Variants in NEK10 observed in about 807,000 individuals in gnomAD.
NEK10 encodes the protein NIMA related kinase 10.
NEK10 carries 122 observed loss-of-function variants against 159.8 expected under a neutral mutation model. The ratio of observed to expected loss-of-function variants is 0.76; its 90% CI spans 0.66 to 0.89. The LOEUF is 0.89. Ranked by LOEUF, NEK10 falls within the 40% of genes least tolerant of loss-of-function variation. The probability of loss-of-function intolerance (pLI) is 0.00; values close to 1 mark genes in which losing one functional copy is unlikely to be tolerated. For missense variants in NEK10, 1,342 were observed against 1,323.1 expected, an observed-to-expected ratio of 1.01 and a Z score of -0.22; for synonymous variants, 466 against 457.1, an observed-to-expected ratio of 1.02 and a Z score of -0.25.
At chr3:27,363,008 T>A (rs1383743651) in intron 1 of NEK10, among the ~76,000 whole-genome samples, 7 of 152,118 alleles carry the variant, frequency 4.6e-5, no homozygotes, top group African/African-American at 1.7e-4. Flanking sequence ...TCTCCTGGGA[T>A]AAAAAGAAAA....
chr3:27,182,907 T>C (rs1948259248), intron 26 of NEK10, among the ~76,000 whole-genome samples: 1 of 151,824 alleles, frequency 6.6e-6, no homozygotes, highest in African/African-American at 2.4e-5. Context: ...AGTGGAATAA[T>C]GGTTACCAGA....
At position 27,174,716 on chromosome 3, in the gene NEK10, C is replaced by T. The variant is rs758669673; in HGVS notation, c.2623G>A (p.Asp875Asn). Residue 875 changes from aspartate to asparagine, a missense_variant, in exon 27 of 36, where the codon GAC becomes AAC. By Grantham distance (23) the Asp-to-Asn change is conservative. Coordinates refer to ENST00000691995, the MANE Select transcript of NEK10 (RefSeq NM_001394966.1). ...PEGFQASYGK[D>N]EDRACDEILS... is the part of the protein sequence containing the mutation. Reference sequence around the variant, plus strand: ...ATTTCGTCACAGGCCCTGTCTTCGTCTTTACCATAGGAGGCCTGGAAGCCT... The same window carrying T: ...ATTTCGTCACAGGCCCTGTCTTCGTTTTTACCATAGGAGGCCTGGAAGCCT... The T allele has an allele frequency of 4.3e-6, 7 of 1,613,604 alleles. No individual in the cohort carries two copies. The East Asian group carries it at 1.1e-4, about 26-fold the overall frequency.
intron 22 of NEK10, among the ~76,000 whole-genome samples, chr3:27,283,618 G>A (rs920448788): frequency 6.6e-6 from 1 of 152,092 alleles, no homozygotes; most frequent in African/African-American, 2.4e-5. Flanking sequence ...CATGAGGCAG[G>A]CAGGAGAAAG....
At chr3:27,282,538 T>TTTTATATA (rs1553615978) in intron 22 of NEK10, among the ~76,000 whole-genome samples, 1 of 42,144 alleles carries the variant, frequency 2.4e-5, no homozygotes, top group African/African-American at 8.7e-5. Context: ...CATAAATGTG[T>TTTTATATA]TATATATATA....
chr3:27,161,478 G>A (rs1419552270), intron 30 of NEK10, among the ~76,000 whole-genome samples: 1 of 152,144 alleles, frequency 6.6e-6, no homozygotes, highest in Non-Finnish European at 1.5e-5. Flanking sequence ...TGTGAATCAA[G>A]GAAGCTGAAG....
At chr3:27,150,401 C>T (rs781771409) in intron 30 of NEK10, among the ~76,000 whole-genome samples, 28 of 152,264 alleles carry the variant, frequency 1.8e-4, no homozygotes, top group Admixed American at 2.6e-4. Context: ...TAGGAGCTAA[C>T]GCAACAGGTA....
intron 24 of NEK10, among the ~76,000 whole-genome samples, chr3:27,201,927 G>A (rs991085270): frequency 2.6e-5 from 4 of 152,098 alleles, no homozygotes; most frequent in African/African-American, 9.7e-5. Flanking sequence ...GGGAGGCCAA[G>A]GTGGGTGGAT....
At chr3:27,248,428 A>C (rs1955314046) in intron 23 of NEK10, among the ~76,000 whole-genome samples, 1 of 151,842 alleles carries the variant, frequency 6.6e-6, no homozygotes, top group Non-Finnish European at 1.5e-5. Context: ...TGGCTTCTCT[A>C]GTTCTCTCAG....
intron 31 of NEK10, among the ~76,000 whole-genome samples, chr3:27,139,837 T>G (rs1179214196): frequency 6.6e-6 from 1 of 152,156 alleles, no homozygotes; most frequent in Non-Finnish European, 1.5e-5. Context: ...CTAACCACAT[T>G]CAGCAAGAAC....
intron 1 of NEK10, among the ~76,000 whole-genome samples, chr3:27,366,484 C>G (rs143153631): frequency 9.3e-4 from 142 of 152,334 alleles, no homozygotes; most frequent in African/African-American, 3.3e-3. Flanking sequence ...TGACTTCAGC[C>G]TCAAAGCTTG....
At chr3:27,333,702 T>C (rs909264677) in intron 5 of NEK10, among the ~76,000 whole-genome samples, 1 of 147,456 alleles carries the variant, frequency 6.8e-6, no homozygotes, top group Admixed American at 6.7e-5. Flanking sequence ...GGAGGCATGA[T>C]CAAGATGCAG....
rs1273769273 is a variant in NEK10, at chr3:27,108,444, T to A, written c.*2828A>T. On this transcript the variant is annotated 3_prime_UTR_variant, in exon 36 of 36. Coordinates refer to ENST00000691995, the MANE Select transcript of NEK10 (RefSeq NM_001394966.1). ...TCCCTGAGAATGAAACATTTTGCTTTTAAAAAGCAAATTAAGGTTTCAAGT... is the reference window on the plus strand; with the variant it reads ...TCCCTGAGAATGAAACATTTTGCTTATAAAAAGCAAATTAAGGTTTCAAGT... 1.3e-5 allele frequency among the ~76,000 whole-genome samples: 2 copies of A among 152,156 alleles called. No homozygotes were observed. The highest frequency in any genetic ancestry group is 2.4e-5 in the African/African-American group (1 of 41,448).
intron 1 of NEK10, among the ~76,000 whole-genome samples, chr3:27,357,556 G>A (rs1262117424): frequency 6.6e-6 from 1 of 152,008 alleles, no homozygotes; most frequent in African/African-American, 2.4e-5. Flanking sequence ...GATACTTTTG[G>A]TTCAAATCCT....
intron 5 of NEK10, among the ~76,000 whole-genome samples, chr3:27,326,081 A>G (rs1043346095): frequency 2.6e-5 from 4 of 152,164 alleles, no homozygotes; most frequent in Non-Finnish European, 5.9e-5. Context: ...GATCAGACAT[A>G]CCCTGCATTG....
At chr3:27,115,130 T>C (rs1445827630) in intron 35 of NEK10, among the ~76,000 whole-genome samples, 3 of 152,194 alleles carry the variant, frequency 2.0e-5, no homozygotes, top group South Asian at 4.1e-4. Flanking sequence ...CAATGACTGA[T>C]GGAGATTGGA....
rs370268716 is a variant in NEK10 at position 27,263,539 on chromosome 3, G to A, written c.2015-7168C>T. On this transcript the variant is annotated intron_variant, in intron 22 of 35. Transcript: ENST00000691995. ...TGGCAGGCACCCCTCCCCCAGCCTC[G>A]CTGCCGCCTTGCAGTTTGAACTCAG... 1.3e-4 allele frequency among the ~76,000 whole-genome samples: 20 copies of A among 152,250 alleles called. 1 individual carries two copies. The highest frequency in any genetic ancestry group is 8.3e-4 in the South Asian group (4 of 4,822).
At position 27,276,514 on chromosome 3, in the gene NEK10, C is replaced by T. The variant is rs1304127756; in HGVS notation, c.2014+8088G>A. Among the ~76,000 whole-genome samples, 4 of 152,234 alleles carry T rather than the reference C, an allele frequency of 2.6e-5. No individual in the cohort carries two copies. The East Asian group carries it at 5.8e-4, about 22-fold the overall frequency. On this transcript the variant is annotated intron_variant, in intron 22 of 35. Coordinates refer to ENST00000691995, the MANE Select transcript of NEK10 (RefSeq NM_001394966.1). ...AGAGCAAGGAGCAAGGAGGAGATTA[C>T]GAAGAAAGGGCTTTGGGTGCCATAA... is the stretch of plus-strand genomic sequence containing the variant.
At chr3:27,245,909 T>C (rs61365285) in intron 23 of NEK10, among the ~76,000 whole-genome samples, 2 of 152,106 alleles carry the variant, frequency 1.3e-5, no homozygotes, top group South Asian at 2.1e-4. Context: ...GGAAATACTA[T>C]ACATAACCAC....
intron 31 of NEK10, among the ~76,000 whole-genome samples, chr3:27,134,521 C>T (rs1193645842): frequency 6.6e-6 from 1 of 152,162 alleles, no homozygotes; most frequent in East Asian, 1.9e-4. Flanking sequence ...GGGGACTTAA[C>T]CCACTACTGG....
Sources: gnomAD v4.1 joint callset for allele counts (sites outside exome capture counted in the v4.1 genomes callset) on GRCh38, gnomAD v4.1.1 for gene constraint, MANE v1.5 for transcripts, NCBI Gene and HGNC (gene_info 2026-07-23, HGNC 2026-07-21) for gene names.